CLNK: variants seen among roughly 807,000 people sequenced by gnomAD.
CLNK encodes the protein cytokine dependent hematopoietic cell linker.
A neutral mutation model predicts 68.6 loss-of-function variants in CLNK; 74 were observed. The observed-to-expected ratio is 1.08, with a 90% CI of 0.89 to 1.31. The LOEUF (loss-of-function observed/expected upper bound fraction) is 1.31, where lower values mean the gene tolerates loss of function less well. Ranked by LOEUF, CLNK falls within the 50% of genes most tolerant of loss-of-function variation. CLNK has a pLI of 0.00. For synonymous variants in CLNK, 198 were observed against 172.2 expected, an observed-to-expected ratio of 1.15 and a Z score of -1.17; for missense variants, 553 against 515.3, an observed-to-expected ratio of 1.07 and a Z score of -0.71.
rs561938221 is a variant in CLNK at position 10,605,136 on chromosome 4, C to T, written c.12-7087G>A. ...TTTAAGACTACAACATCAACTCTTACCCGGATCTCTCGCCTGCCAGCCTGC... is the reference window on the plus strand; with the variant it reads ...TTTAAGACTACAACATCAACTCTTATCCGGATCTCTCGCCTGCCAGCCTGC... On this transcript the variant is annotated intron_variant, in intron 2 of 18. Transcript: ENST00000226951. Among the ~76,000 whole-genome samples, 9 of 152,312 alleles carry T rather than the reference C, an allele frequency of 5.9e-5. No individual in the cohort carries two copies. The East Asian group carries it at 1.4e-3, about 23-fold the overall frequency.
At chr4:10,559,610 C>T (rs17382963) in intron 7 of CLNK, among the ~76,000 whole-genome samples, 24,328 of 151,954 alleles carry the variant, frequency 0.16, 2,032 homozygotes, top group African/African-American at 0.2. Context: ...AGGAGAGGTT[C>T]CCATTGTCTC....
At chr4:10,675,807 G>A (rs1207011601) in intron 1 of CLNK, among the ~76,000 whole-genome samples, 2 of 152,106 alleles carry the variant, frequency 1.3e-5, no homozygotes, top group African/African-American at 2.4e-5. Flanking sequence ...TGAATGAATC[G>A]AGAAGGTAGG....
At chr4:10,508,380 T>C (rs1717405703) in intron 16 of CLNK, among the ~76,000 whole-genome samples, 1 of 152,096 alleles carries the variant, frequency 6.6e-6, no homozygotes, top group African/African-American at 2.4e-5. Flanking sequence ...ATGTATACTG[T>C]TTGTGAAGCC....
At chr4:10,528,218 T>C in intron 12 of CLNK, 124 bp from the exon 13 acceptor site, 1 of 408,270 alleles carries the variant, frequency 2.4e-6, no homozygotes, top group Non-Finnish European at 4.2e-6. Flanking sequence ...TTAGCATAGT[T>C]CGTAGTTTTA....
At chr4:10,588,142 T>C (rs1721038871) in intron 3 of CLNK, among the ~76,000 whole-genome samples, 1 of 152,226 alleles carries the variant, frequency 6.6e-6, no homozygotes, top group South Asian at 2.1e-4. Flanking sequence ...GAGCTTAATG[T>C]AAGCGTGGCA....
At chr4:10,577,828 T>A (rs920045258) in intron 4 of CLNK, among the ~76,000 whole-genome samples, 21 of 152,190 alleles carry the variant, frequency 1.4e-4, no homozygotes, top group African/African-American at 4.1e-4. Flanking sequence ...CCCATTTTTT[T>A]AAATGTCTTG....
rs200377023 is a variant in CLNK, at chr4:10,508,024, T to G, written c.919A>C (p.Asn307His). ...CTGTATTCTCCAATGTACCATTCAT[T>G]GTGCTGGACATCCTGCAGAACAGAA... ...KRSDRKDVQH[N>H]EWYIGEYSRQ... The change falls in exon 17 of 19, where the codon AAT becomes CAT. Residue 307 changes from asparagine (N) to histidine (H), a missense_variant. Physicochemically the swap from Asn to His is moderately conservative, Grantham distance 68 (BLOSUM62 1). Coordinates refer to ENST00000226951, the MANE Select transcript of CLNK (RefSeq NM_052964.4). The G allele has an allele frequency of 3.1e-6, 5 of 1,610,842 alleles. No homozygotes were observed. In the African/African-American group the frequency reaches 6.7e-5, roughly 21 times the overall value.
chr4:10,605,180 G>A (rs989542269), intron 2 of CLNK, among the ~76,000 whole-genome samples: 1 of 152,104 alleles, frequency 6.6e-6, no homozygotes, highest in Non-Finnish European at 1.5e-5. Context: ...TTTCAAACTT[G>A]CCAGTTCCCA....
intron 14 of CLNK, 98 bp downstream of exon 14, chr4:10,525,743 C>CT (rs1198281491): frequency 7.3e-6 from 5 of 683,024 alleles, no homozygotes; most frequent in Non-Finnish European, 1.2e-5. Flanking sequence ...GAAACAAAGA[C>CT]TTTCGTTTCT....
In CLNK at chr4:10,514,156, A is replaced by G. The variant is rs200930728; in HGVS notation, c.773-559T>C. On this transcript the variant is annotated intron_variant, in intron 15 of 18. Transcript: ENST00000226951. Reference sequence around the variant, plus strand: ...AGTTTACTGAGAATGATGGTTTCCAATTTCATCCATGTCCCTACAAAGGAC... The same window carrying G: ...AGTTTACTGAGAATGATGGTTTCCAGTTTCATCCATGTCCCTACAAAGGAC... 0.011 allele frequency among the ~76,000 whole-genome samples: 1,596 copies of G among 142,794 alleles called. 91 individuals carry two copies. In the East Asian group the frequency reaches 0.19, roughly 17 times the overall value. 93.7% of individuals were successfully genotyped at this position (142,794 alleles called of 152,430 possible).
intron 2 of CLNK, among the ~76,000 whole-genome samples, chr4:10,611,496 GAA>G (rs10692993): frequency 3.0e-5 from 4 of 134,690 alleles, no homozygotes; most frequent in Admixed American, 7.5e-5. Context: ...GGCTAAGTCT[GAA>G]AAAAAAAAAA....
intron 1 of CLNK, among the ~76,000 whole-genome samples, chr4:10,674,525 A>T (rs1478701248): frequency 1.3e-5 from 2 of 152,200 alleles, no homozygotes; most frequent in Non-Finnish European, 1.5e-5. Context: ...ATAATTTATT[A>T]ACCCTGACCT....
At chr4:10,699,310 C>CGT in the CLNK span, among the ~76,000 whole-genome samples, 2 of 34,422 alleles carry the variant, frequency 5.8e-5, no homozygotes, top group Non-Finnish European at 1.2e-4. Context: ...ACACCACATA[C>CGT]GTGTATACAC....
chr4:10,606,457 G>A (rs1012142227), intron 2 of CLNK, among the ~76,000 whole-genome samples: 1 of 151,800 alleles, frequency 6.6e-6, no homozygotes, highest in Non-Finnish European at 1.5e-5. Context: ...TAAGTAAAAG[G>A]AGCACACTCT....
intron 12 of CLNK, among the ~76,000 whole-genome samples, chr4:10,529,030 A>G (rs974048421): frequency 6.6e-6 from 1 of 152,176 alleles, no homozygotes; most frequent in South Asian, 2.1e-4. Context: ...AAAAAGCATT[A>G]CAGTAGATAC....
chr4:10,537,706 C>CTTTCTTTTCTTTCTTTCTTTCTTTCTTT (rs1553848182), intron 11 of CLNK, among the ~76,000 whole-genome samples: 1 of 13,376 alleles, frequency 7.5e-5, no homozygotes, highest in Non-Finnish European at 1.5e-4. Context: ...TTCCTTCCTT[C>CTTTCTTTTCTTTCTTTCTTTCTTTCTTT]CTTTCTTTCT....
intron 16 of CLNK, among the ~76,000 whole-genome samples, chr4:10,509,803 G>A (rs563931904): frequency 6.6e-6 from 1 of 152,246 alleles, no homozygotes; most frequent in South Asian, 2.1e-4. Context: ...TGGGGTTACA[G>A]GTGTGAGTCA....
the CLNK span, among the ~76,000 whole-genome samples, chr4:10,703,154 T>C: frequency 6.6e-6 from 1 of 152,106 alleles, no homozygotes; most frequent in African/African-American, 2.4e-5. Context: ...GGATTGTTAG[T>C]GATAACAGTC....
chr4:10,550,006 A>C (rs2108813535), intron 8 of CLNK, among the ~76,000 whole-genome samples: 1 of 152,342 alleles, frequency 6.6e-6, no homozygotes, highest in South Asian at 2.1e-4. Flanking sequence ...TGTTTCCACC[A>C]CAACTTATTA....
Sources: gnomAD v4.1 joint callset for allele counts (sites outside exome capture counted in the v4.1 genomes callset) on GRCh38, gnomAD v4.1.1 for gene constraint, MANE v1.5 for transcripts, NCBI Gene and HGNC (gene_info 2026-07-23, HGNC 2026-07-21) for gene names.